Variants in SIPA1L2 observed in about 807,000 individuals in gnomAD.
SIPA1L2 encodes the protein signal induced proliferation associated 1 like 2.
A neutral mutation model predicts 163.9 loss-of-function variants in SIPA1L2; 56 were observed. The observed-to-expected ratio is 0.34, with a 90% CI of 0.28 to 0.43. SIPA1L2 has a LOEUF of 0.43. Ranked by LOEUF, SIPA1L2 falls within the 20% of genes least tolerant of loss-of-function variation. The pLI is 1.00. For synonymous variants in SIPA1L2, 877 were observed against 865.7 expected, an observed-to-expected ratio of 1.01 and a Z score of -0.23; for missense variants, 1,974 against 2,193.5, an observed-to-expected ratio of 0.90 and a Z score of 2.00.
chr1:232,611,747 T>C (rs1313032095), intron 1 of SIPA1L2, among the ~76,000 whole-genome samples: 2 of 152,158 alleles, frequency 1.3e-5, no homozygotes, highest in African/African-American at 4.8e-5. Flanking sequence ...TCATAAAAGT[T>C]CAAAAAATTT....
intron 19 of SIPA1L2, 100 bp from the exon 20 acceptor site, chr1:232,404,278 G>A (rs947708552): frequency 5.1e-6 from 5 of 986,924 alleles, no homozygotes; most frequent in African/African-American, 4.8e-5. Flanking sequence ...TAGTGTGTGT[G>A]TGTGATGGAC....
intron 2 of SIPA1L2, among the ~76,000 whole-genome samples, chr1:232,532,664 T>C (rs1387711872): frequency 6.6e-6 from 1 of 152,224 alleles, no homozygotes; most frequent in East Asian, 1.9e-4. Context: ...GCACATCCCA[T>C]AACACTTCTT....
At chr1:232,495,363 A>G (rs1181857854) in intron 3 of SIPA1L2, among the ~76,000 whole-genome samples, 2 of 152,142 alleles carry the variant, frequency 1.3e-5, no homozygotes, top group East Asian at 1.9e-4. Flanking sequence ...GGAGATCGAG[A>G]CCATTCTGGC....
intron 1 of SIPA1L2, among the ~76,000 whole-genome samples, chr1:232,588,936 C>G (rs964005244): frequency 6.6e-6 from 1 of 151,968 alleles, no homozygotes; most frequent in East Asian, 1.9e-4. Context: ...TTCTAAAATC[C>G]CTTTTTTATT....
At chr1:232,560,828 T>G (rs896503149) in intron 2 of SIPA1L2, among the ~76,000 whole-genome samples, 2 of 152,240 alleles carry the variant, frequency 1.3e-5, no homozygotes, top group African/African-American at 4.8e-5. Context: ...AAAACTTGGA[T>G]AATAAATAAA....
chr1:232,509,738 A>T (rs1228151135), intron 3 of SIPA1L2, among the ~76,000 whole-genome samples: 1 of 152,242 alleles, frequency 6.6e-6, no homozygotes, highest in African/African-American at 2.4e-5. Flanking sequence ...TTAATGGCTC[A>T]ACAAGAGACC....
intron 15 of SIPA1L2, among the ~76,000 whole-genome samples, chr1:232,437,000 GC>G (rs1428716959): frequency 1.3e-5 from 2 of 152,134 alleles, no homozygotes; most frequent in African/African-American, 2.4e-5. Flanking sequence ...ATTTAGAGTG[GC>G]GGAAGAAAGT....
At chr1:232,477,698 G>C (rs1254558315) in intron 7 of SIPA1L2, among the ~76,000 whole-genome samples, 2 of 152,260 alleles carry the variant, frequency 1.3e-5, no homozygotes, top group African/African-American at 4.8e-5. Context: ...TTCAAGGCTA[G>C]TTTCAGTGAA....
At chr1:232,460,113 C>G (rs115724961) in intron 10 of SIPA1L2, among the ~76,000 whole-genome samples, 1 of 152,182 alleles carries the variant, frequency 6.6e-6, no homozygotes, top group Non-Finnish European at 1.5e-5. Flanking sequence ...ATACTACCAC[C>G]AGTCATGCAT....
At chr1:232,602,971 C>T (rs932606429) in intron 1 of SIPA1L2, among the ~76,000 whole-genome samples, 6 of 152,146 alleles carry the variant, frequency 3.9e-5, no homozygotes, top group Admixed American at 6.5e-5. Context: ...AAAGCTATTT[C>T]AAAATTCAAT....
At chr1:232,596,729 T>C (rs539731568) in intron 1 of SIPA1L2, among the ~76,000 whole-genome samples, 47 of 152,320 alleles carry the variant, frequency 3.1e-4, no homozygotes, top group African/African-American at 8.4e-4. Flanking sequence ...ATTGAAACAA[T>C]CACTACAGGG....
At chr1:232,543,083 T>C (rs1657789185) in intron 2 of SIPA1L2, among the ~76,000 whole-genome samples, 1 of 152,198 alleles carries the variant, frequency 6.6e-6, no homozygotes, top group South Asian at 2.1e-4. Flanking sequence ...GGTCTCTCAT[T>C]GTACAGTGTA....
At chr1:232,586,650 A>T (rs1368718710) in intron 1 of SIPA1L2, among the ~76,000 whole-genome samples, 1 of 152,262 alleles carries the variant, frequency 6.6e-6, no homozygotes, top group African/African-American at 2.4e-5. Context: ...AGAAATAACA[A>T]GATATTCTTC....
intron 6 of SIPA1L2, among the ~76,000 whole-genome samples, chr1:232,480,920 C>T (rs1665318204): frequency 6.6e-6 from 1 of 152,096 alleles, no homozygotes; most frequent in African/African-American, 2.4e-5. Flanking sequence ...TTCTAATATT[C>T]ATATCCAATT....
At chr1:232,537,289 G>A (rs2103098215) in intron 2 of SIPA1L2, among the ~76,000 whole-genome samples, 1 of 152,192 alleles carries the variant, frequency 6.6e-6, no homozygotes, top group South Asian at 2.1e-4. Context: ...GTGGGACCAA[G>A]CAATTTGTAA....
Position 232,488,764 on chromosome 1 carries a change from G to A in SIPA1L2, c.1806+2110C>T, listed in dbSNP as rs190057436. On this transcript the variant is annotated intron_variant, in intron 5 of 22. Transcript: ENST00000674635. The stretch of plus-strand genomic sequence containing the variant: ...AATGCCTGGTTTTTAGAACTGCCTC[G>A]GATAGCTTCTAGATCTATCTGACTA... 4.0e-4 allele frequency among the ~76,000 whole-genome samples: 61 copies of A among 152,256 alleles called. 2 individuals are homozygous for A. Among genetic ancestry groups the A allele is most frequent in the African/African-American group, 1.4e-3 (57 of 41,548 alleles).
At chr1:232,413,285 G>A (rs1661060031) in intron 19 of SIPA1L2, among the ~76,000 whole-genome samples, 1 of 152,210 alleles carries the variant, frequency 6.6e-6, no homozygotes, top group African/African-American at 2.4e-5. Context: ...AAGTGTGGAT[G>A]TCATAGTAGT....
intron 2 of SIPA1L2, among the ~76,000 whole-genome samples, chr1:232,517,415 C>A (rs557277453): frequency 2.2e-4 from 33 of 152,120 alleles, no homozygotes; most frequent in Non-Finnish European, 4.4e-4. Flanking sequence ...AAGAGCAAAC[C>A]GGCATCTCCT....
intron 2 of SIPA1L2, among the ~76,000 whole-genome samples, chr1:232,556,974 G>A (rs143399016): frequency 2.7e-4 from 41 of 152,250 alleles, no homozygotes; most frequent in African/African-American, 8.9e-4. Flanking sequence ...GTCAAGAATG[G>A]AGAGAGAAGC....
Sources: gnomAD v4.1 joint callset for allele counts (sites outside exome capture counted in the v4.1 genomes callset) on GRCh38, gnomAD v4.1.1 for gene constraint, MANE v1.5 for transcripts, NCBI Gene and HGNC (gene_info 2026-07-23, HGNC 2026-07-21) for gene names.